The following FKTN variants were observed in gnomAD, a reference collection of about 807,000 sequenced individuals.
FKTN encodes fukutin.
A neutral mutation model predicts 58.6 loss-of-function variants in FKTN; 47 were observed. The ratio of observed to expected loss-of-function variants is 0.80; its 90% CI spans 0.63 to 1.02. The LOEUF is 1.02. Among genes scored for constraint, FKTN ranks in the 50% least tolerant of loss-of-function variants. FKTN has a pLI of 0.00. For synonymous variants in FKTN, 178 were observed against 191.9 expected (o/e 0.93, Z 0.60); for missense variants, 516 against 537.3 (o/e 0.96, Z 0.39).
intron 3 of FKTN, among the ~76,000 whole-genome samples, chr9:105,580,362 G>T (rs1203052110): frequency 4.0e-5 from 6 of 151,156 alleles, no homozygotes; most frequent in Non-Finnish European, 8.8e-5. Flanking sequence ...GGCAGGCCTG[G>T]TGGTGACAAA....
chr9:105,629,636 G>T lies in FKTN; in HGVS notation c.1173-5415G>T, dbSNP rs146987827. On this transcript the variant is annotated intron_variant, in intron 10 of 10. Coordinates refer to ENST00000357998, the MANE Select transcript of FKTN (RefSeq NM_001079802.2). ...TTATGTAGTTATGTCCCAAGGCTTT[G>T]TCCTCTGGCATTGAGGAAAACTTTA... Among the ~76,000 whole-genome samples, 50 of 152,206 alleles carry T rather than the reference G, an allele frequency of 3.3e-4. No individual in the cohort carries two copies. The East Asian group carries it at 9.3e-3, about 28-fold the overall frequency.
At chr9:105,604,551 C>T in intron 6 of FKTN, 59 bp downstream of exon 6, 1 of 1,377,250 alleles carries the variant, frequency 7.3e-7, no homozygotes, top group Non-Finnish European at 1.0e-6. Context: ...ATAATTCTTG[C>T]AGTGTTTTTA....
chr9:105,562,867 G>A (rs557467046), intron 1 of FKTN, among the ~76,000 whole-genome samples: 2 of 152,240 alleles, frequency 1.3e-5, no homozygotes, highest in South Asian at 2.1e-4. Flanking sequence ...CCCCAAATAA[G>A]TCGGGGATCC....
intron 7 of FKTN, among the ~76,000 whole-genome samples, chr9:105,608,434 T>C (rs2132918967): frequency 6.6e-6 from 1 of 152,356 alleles, no homozygotes; most frequent in Non-Finnish European, 1.5e-5. Context: ...AAAACTTTAT[T>C]CTCTTGCTGC....
chr9:105,566,235 A>G (rs891966441), intron 1 of FKTN, among the ~76,000 whole-genome samples: 33 of 152,308 alleles, frequency 2.2e-4, no homozygotes, highest in African/African-American at 4.3e-4. Context: ...TCACAATTAA[A>G]AGAACTAGAG....
chr9:105,619,836 C>T, intron 9 of FKTN, 98 bp from the exon 10 acceptor site: 8 of 1,156,426 alleles, frequency 6.9e-6, no homozygotes, highest in Non-Finnish European at 9.8e-6. Flanking sequence ...GTATGTAAAA[C>T]TTAAGAATCT....
chr9:105,569,756 A>G (rs1204177581), intron 1 of FKTN, among the ~76,000 whole-genome samples: 1 of 152,174 alleles, frequency 6.6e-6, no homozygotes, highest in Non-Finnish European at 1.5e-5. Context: ...CTTTAAGATT[A>G]TTGGGCTACT....
chr9:105,639,940 A>C lies in FKTN; in HGVS notation c.*4676A>C. 6.8e-7 allele frequency: 1 copy of C among 1,466,144 alleles called. No homozygotes were observed. Among genetic ancestry groups the C allele is most frequent in the Non-Finnish European group, 9.0e-7 (1 of 1,114,456 alleles). The allele number at this position is 1,466,144 out of a possible 1,614,324, so 90.8% of individuals were successfully genotyped here. A position where few individuals can be genotyped will look rare whatever the true frequency, so the allele number is the denominator to read the frequency against. On this transcript the variant is annotated 3_prime_UTR_variant, in exon 11 of 11. Coordinates refer to ENST00000357998, the MANE Select transcript of FKTN (RefSeq NM_001079802.2). ...TAAATCTTTACCTCCTTGTTAGTGA[A>C]ATTAGATATAAGCCATGATTTGGAG...
intron 9 of FKTN, among the ~76,000 whole-genome samples, chr9:105,618,586 C>T (rs1831246207): frequency 6.6e-6 from 1 of 152,028 alleles, no homozygotes; most frequent in South Asian, 2.1e-4. Context: ...ACTTCAATTT[C>T]TTGTTTATCT....
At chr9:105,566,617 G>T (rs539129316) in intron 1 of FKTN, among the ~76,000 whole-genome samples, 5 of 152,236 alleles carry the variant, frequency 3.3e-5, no homozygotes, top group African/African-American at 1.2e-4. Context: ...TCTCTGAATA[G>T]ACCAATAACA....
chr9:105,637,365 A>G lies in FKTN; in HGVS notation c.*2101A>G. 1.0e-6 allele frequency: 1 copy of G among 985,410 alleles called. No individual in the cohort carries two copies. Among genetic ancestry groups the G allele is most frequent in the Non-Finnish European group, 1.2e-6 (1 of 829,954 alleles). 61.0% of individuals were successfully genotyped at this position (985,410 alleles called of 1,614,324 possible). ...TCTTGGCCCAATTGACACAGGTTCT[A>G]TATTCTTCCCTACATAGACCACTGG... On this transcript the variant is annotated 3_prime_UTR_variant, in exon 11 of 11. Transcript: ENST00000357998.
At chr9:105,615,237 T>G (rs1397628059) in intron 7 of FKTN, 41 bp from the exon 8 acceptor site, 24 of 1,607,320 alleles carry the variant, frequency 1.5e-5, no homozygotes, top group Non-Finnish European at 2.0e-5. Context: ...CCTAGCAATT[T>G]AGAAATGGCT....
At position 105,618,464 on chromosome 9, in the gene FKTN, C is replaced by G. The variant is rs78394541; in HGVS notation, c.1044+372C>G. On this transcript the variant is annotated intron_variant, in intron 9 of 10. Coordinates refer to ENST00000357998, the MANE Select transcript of FKTN (RefSeq NM_001079802.2). ...TACAATTAATAAGTAAGAATCCCACCCGCCGTACCTGATTGTTTCTCATGA... is the reference window on the plus strand; with the variant it reads ...TACAATTAATAAGTAAGAATCCCACGCGCCGTACCTGATTGTTTCTCATGA... Among the ~76,000 whole-genome samples, 1,192 of 152,182 alleles carry G rather than the reference C, an allele frequency of 7.8e-3. 18 individuals carry two copies. Among genetic ancestry groups the G allele is most frequent in the African/African-American group, 0.027 (1,112 of 41,528 alleles).
chr9:105,606,678 A>G (rs1298485169), intron 6 of FKTN, among the ~76,000 whole-genome samples: 2 of 117,906 alleles, frequency 1.7e-5, no homozygotes, highest in East Asian at 2.2e-4. Flanking sequence ...CCTTCTTTTA[A>G]AAATATATAT....
chr9:105,603,625 G>A (rs779944037), intron 5 of FKTN: 1 of 152,624 alleles, frequency 6.6e-6, no homozygotes, highest in African/African-American at 2.4e-5. Flanking sequence ...ACACTAACAT[G>A]AGCATTCTCA....
At chr9:105,567,693 T>TA (rs1839927414) in intron 1 of FKTN, among the ~76,000 whole-genome samples, 1 of 152,204 alleles carries the variant, frequency 6.6e-6, no homozygotes, top group South Asian at 2.1e-4. Flanking sequence ...GAAGAATCGA[T>TA]ATCTTGAAAA....
At chr9:105,629,059 ATACCTCAAAAGAAGT>A (rs1156407176) in intron 10 of FKTN, among the ~76,000 whole-genome samples, 3 of 152,204 alleles carry the variant, frequency 2.0e-5, no homozygotes, top group Non-Finnish European at 2.9e-5. Context: ...TACTTAACTT[ATACCTCAAAAGAAGT>A]TACCTTAAAA....
intron 7 of FKTN, among the ~76,000 whole-genome samples, chr9:105,614,702 G>T (rs1830493445): frequency 6.6e-6 from 1 of 152,122 alleles, no homozygotes; most frequent in Non-Finnish European, 1.5e-5. Context: ...GGAGGGAGCT[G>T]ATAAAAGGAT....
At position 105,578,509 on chromosome 9, in the gene FKTN, A is replaced by G. The variant is rs1255858438; in HGVS notation, c.105+3372A>G. 8.4e-3 allele frequency among the ~76,000 whole-genome samples: 1,200 copies of G among 142,506 alleles called. 13 individuals are homozygous for G. The highest frequency in any genetic ancestry group is 0.03 in the African/African-American group (1,148 of 38,224). 93.5% of individuals were successfully genotyped at this position (142,506 alleles called of 152,430 possible). ...GTATATTGAACCAGCCTTGCATCCC[A>G]GGGATGAAGCCCACTTGATCATGGT... On this transcript the variant is annotated intron_variant, in intron 3 of 10. Transcript: ENST00000357998.
Sources: allele counts gnomAD v4.1 joint callset (sites outside exome capture counted in the v4.1 genomes callset), GRCh38; gene constraint gnomAD v4.1.1; transcripts MANE v1.5; gene names NCBI Gene and HGNC (gene_info 2026-07-23, HGNC 2026-07-21).